MEGF6: variants seen among roughly 807,000 people sequenced by gnomAD.
The protein encoded by MEGF6 is multiple epidermal growth factor-like domains protein 6.
In MEGF6, 184 loss-of-function variants were observed where a neutral mutation model predicts 207.1. The observed-to-expected ratio is 0.89, with a 90% CI of 0.79 to 1.00. The LOEUF (loss-of-function observed/expected upper bound fraction) is 1.00. MEGF6 is among the 50% of genes least tolerant of loss of function. The pLI is 0.00. For missense variants in MEGF6, 2,282 were observed against 2,202.9 expected (o/e 1.04, Z -0.72); for synonymous variants, 1,038 against 910.0 (o/e 1.14, Z -2.53).
At chr1:3,495,825 C>G in intron 30 of MEGF6, 65 bp downstream of exon 30, 1 of 1,559,148 alleles carries the variant, frequency 6.4e-7, no homozygotes. Flanking sequence ...CCAGTGTCCC[C>G]ACGGCTAATC....
intron 5 of MEGF6, among the ~76,000 whole-genome samples, 162 bp from the exon 6 acceptor site, chr1:3,515,689 C>T (rs547712489): frequency 1.7e-4 from 26 of 152,382 alleles, no homozygotes; most frequent in Admixed American, 1.4e-3. Context: ...CATCGTCACA[C>T]GCTGCTCCCT....
intron 26 of MEGF6, 133 bp downstream of exon 26, chr1:3,498,238 C>CT (rs1311821282): frequency 5.1e-6 from 6 of 1,175,570 alleles, no homozygotes; most frequent in Non-Finnish European, 6.9e-6. Flanking sequence ...CCGACGGCAG[C>CT]TCTTGCATTC....
intron 5 of MEGF6, among the ~76,000 whole-genome samples, chr1:3,516,419 G>A (rs143638046): frequency 8.5e-5 from 13 of 152,356 alleles, no homozygotes; most frequent in African/African-American, 2.2e-4. Flanking sequence ...ATGTGCTGTT[G>A]CCTGTGCCCG....
rs80355790 is a variant in MEGF6, at chr1:3,591,153, G to A, written c.376+4185C>T. Among the ~76,000 whole-genome samples, 68 of 152,302 alleles carry A rather than the reference G, an allele frequency of 4.5e-4. 1 individual carries two copies. In the East Asian group the frequency reaches 8.7e-3, roughly 19 times the overall value. ...CCGACCCCACCAGCAGCCGCGCCCC[G>A]CCCTCCTCGCATGAGCCAGCAGAGA... On this transcript the variant is annotated intron_variant, in intron 3 of 36. Transcript: ENST00000356575.
At chr1:3,558,166 G>A (rs1418020005) in intron 4 of MEGF6, among the ~76,000 whole-genome samples, 7 of 152,178 alleles carry the variant, frequency 4.6e-5, no homozygotes, top group East Asian at 3.9e-4. Context: ...CAATGTCACC[G>A]AGGTGACAGC....
intron 2 of MEGF6, among the ~76,000 whole-genome samples, chr1:3,598,613 C>T (rs965651924): frequency 1.3e-5 from 2 of 152,180 alleles, no homozygotes; most frequent in African/African-American, 2.4e-5. Flanking sequence ...CCTGCAGCCC[C>T]GTGAAGACCA....
At chr1:3,617,875 G>A in the MEGF6 span, among the ~76,000 whole-genome samples, 2 of 152,180 alleles carry the variant, frequency 1.3e-5, no homozygotes, top group African/African-American at 4.8e-5. Context: ...TGCTGGAGCT[G>A]CCAGAAGCTG....
chr1:3,511,865 T>C, intron 8 of MEGF6, 141 bp downstream of exon 8: 1 of 1,462,082 alleles, frequency 6.8e-7, no homozygotes, highest in Non-Finnish European at 9.2e-7. Context: ...CCCTCGACCC[T>C]CTGCTCACCA....
At chr1:3,559,004 T>C (rs1321717919) in intron 4 of MEGF6, among the ~76,000 whole-genome samples, 3 of 151,506 alleles carry the variant, frequency 2.0e-5, no homozygotes, top group Non-Finnish European at 4.4e-5. Flanking sequence ...CCAGCCTGGG[T>C]GACAGAGTGA....
intron 4 of MEGF6, among the ~76,000 whole-genome samples, chr1:3,558,175 G>A (rs865792201): frequency 6.6e-6 from 1 of 152,186 alleles, no homozygotes; most frequent in African/African-American, 2.4e-5. Flanking sequence ...CGAGGTGACA[G>A]CTCCAGGAAC....
intron 3 of MEGF6, 68 bp from the exon 4 acceptor site, chr1:3,579,997 A>C: frequency 8.3e-7 from 1 of 1,205,908 alleles, no homozygotes; most frequent in Non-Finnish European, 1.1e-6. Flanking sequence ...GTGAGGCCTG[A>C]GGGTCTCTCG....
At chr1:3,605,537 A>T (rs1644233952) in intron 1 of MEGF6, among the ~76,000 whole-genome samples, 1 of 111,050 alleles carries the variant, frequency 9.0e-6, no homozygotes, top group South Asian at 3.7e-4. Context: ...CTCACACACA[A>T]TCACACATAT....
chr1:3,558,260 CCTCT>C (rs1643093522), intron 4 of MEGF6, among the ~76,000 whole-genome samples: 1 of 152,200 alleles, frequency 6.6e-6, no homozygotes, highest in East Asian at 1.9e-4. Context: ...CTCGTCCCCT[CCTCT>C]CTCTCCCACT....
At chr1:3,563,918 G>C (rs1643275228) in intron 4 of MEGF6, among the ~76,000 whole-genome samples, 2 of 152,172 alleles carry the variant, frequency 1.3e-5, no homozygotes, top group Non-Finnish European at 2.9e-5. Flanking sequence ...CAAGGCAATA[G>C]CAAAACCCTG....
chr1:3,614,863 C>T (rs1014557697), upstream of MEGF6, among the ~76,000 whole-genome samples: 1 of 152,248 alleles, frequency 6.6e-6, no homozygotes, highest in South Asian at 2.1e-4. Context: ...TGATGCGAGG[C>T]AGCCTCTTCA....
intron 4 of MEGF6, chr1:3,531,404 G>T (rs1642166160): frequency 8.7e-7 from 1 of 1,144,220 alleles, no homozygotes; most frequent in African/African-American, 1.6e-5. Context: ...CCGCCCGGGA[G>T]CCGCTCTGGG....
chr1:3,579,681 C>T (rs1483867253), intron 4 of MEGF6, 144 bp downstream of exon 4: 8 of 539,142 alleles, frequency 1.5e-5, no homozygotes, highest in African/African-American at 2.0e-5. Flanking sequence ...GGAGGGATTG[C>T]GGAATGTCCT....
chr1:3,548,398 C>T (rs888280227), intron 4 of MEGF6, among the ~76,000 whole-genome samples: 6 of 152,362 alleles, frequency 3.9e-5, no homozygotes, highest in Middle Eastern at 3.4e-3. Context: ...GCAGGCCAGC[C>T]GTCTCCGGAC....
At chr1:3,575,799 G>A (rs1470442274) in intron 4 of MEGF6, among the ~76,000 whole-genome samples, 1 of 152,148 alleles carries the variant, frequency 6.6e-6, no homozygotes, top group African/African-American at 2.4e-5. Flanking sequence ...TGACACGTGG[G>A]AATTATGGGA....
Sources: gnomAD v4.1 joint callset for allele counts (sites outside exome capture counted in the v4.1 genomes callset) on GRCh38, gnomAD v4.1.1 for gene constraint, MANE v1.5 for transcripts, NCBI Gene and HGNC (gene_info 2026-07-23, HGNC 2026-07-21) for gene names.